The following MGAT4C variants were observed in gnomAD, a reference collection of about 807,000 sequenced individuals.
MGAT4C encodes the protein MGAT4 family member C.
MGAT4C carries 19 observed loss-of-function variants against 40.1 expected under a neutral mutation model. That is an observed-to-expected ratio of 0.47 (90% CI 0.33 to 0.70). MGAT4C has a LOEUF of 0.70. Ranked by LOEUF, MGAT4C falls within the 30% of genes least tolerant of loss-of-function variation. The probability of loss-of-function intolerance (pLI) is 0.02; values close to 1 mark genes in which losing one functional copy is unlikely to be tolerated. For synonymous variants in MGAT4C, 181 were observed against 187.1 expected, an observed-to-expected ratio of 0.97 and a Z score of 0.27; for missense variants, 491 against 563.2, an observed-to-expected ratio of 0.87 and a Z score of 1.30.
At chr12:86,302,648 C>T (rs1368428455) in intron 4 of MGAT4C, among the ~76,000 whole-genome samples, 1 of 150,458 alleles carries the variant, frequency 6.6e-6, no homozygotes, top group African/African-American at 2.5e-5. Flanking sequence ...AGGCTGGTCT[C>T]GAATTCCTGA....
intron 2 of MGAT4C, among the ~76,000 whole-genome samples, chr12:86,468,284 C>CT (rs1957709947): frequency 6.6e-6 from 1 of 151,702 alleles, no homozygotes. Context: ...CTTTTCAAAT[C>CT]ATTTTTTTTT....
rs566197972 is a variant in MGAT4C, at chr12:86,412,387, T to C, written c.-120+22770A>G. On this transcript the variant is annotated intron_variant, in intron 3 of 7. Coordinates refer to the MGAT4C transcript ENST00000548651. ...ACCAAAGAGACAGAGATGCCCAAAG[T>C]TTTGGGAGCCCAACTCTTGGTTCAG... Among the ~76,000 whole-genome samples the C allele has an allele frequency of 9.9e-5, 15 of 152,180 alleles. No homozygotes were observed. In the South Asian group the frequency reaches 2.7e-3, roughly 27 times the overall value.
intron 1 of MGAT4C, among the ~76,000 whole-genome samples, chr12:86,832,131 A>G (rs927265842): frequency 1.6e-4 from 25 of 151,780 alleles, no homozygotes; most frequent in Non-Finnish European, 3.1e-4. Flanking sequence ...TAAAAAGGAA[A>G]ACCCAGGAAT....
At chr12:86,081,351 G>C (rs916868097) in intron 1 of MGAT4C, among the ~76,000 whole-genome samples, 27 of 152,090 alleles carry the variant, frequency 1.8e-4, no homozygotes, top group Non-Finnish European at 1.0e-4. Flanking sequence ...ACTCTAATTC[G>C]GGAGTCTGTG....
rs772676463 is a variant in MGAT4C, at chr12:86,771,720, GTGTA to G, written c.-261-44483_-261-44480del. ...TGTGTGTGTGTGTGTGTGTGTGTGT[GTGTA>G]TGTGTGTGTGTATGAATATTGGTAG... On this transcript the variant is annotated intron_variant, in intron 1 of 7. Coordinates refer to the MGAT4C transcript ENST00000548651. 1.9e-3 allele frequency among the ~76,000 whole-genome samples: 244 copies of G among 131,802 alleles called. 2 individuals carry two copies. Among genetic ancestry groups the G allele is most frequent in the African/African-American group, 7.0e-3 (220 of 31,324 alleles). 86.5% of individuals were successfully genotyped at this position (131,802 alleles called of 152,430 possible). A position where few individuals can be genotyped will look rare whatever the true frequency, so the allele number is the denominator to read the frequency against.
At chr12:86,058,866 T>A (rs1893659463) in intron 1 of MGAT4C, among the ~76,000 whole-genome samples, 1 of 152,132 alleles carries the variant, frequency 6.6e-6, no homozygotes, top group Non-Finnish European at 1.5e-5. Context: ...TTCTCCCCAA[T>A]TCCAATCTTA....
At chr12:86,750,385 T>C (rs1006294302) in intron 1 of MGAT4C, among the ~76,000 whole-genome samples, 1 of 151,894 alleles carries the variant, frequency 6.6e-6, no homozygotes, top group Non-Finnish European at 1.5e-5. Context: ...TCACGGGCTA[T>C]ACTTTCTACC....
chr12:86,351,696 T>C (rs1955164896), intron 3 of MGAT4C, among the ~76,000 whole-genome samples: 1 of 152,036 alleles, frequency 6.6e-6, no homozygotes, highest in Non-Finnish European at 1.5e-5. Flanking sequence ...TTAATTTTAA[T>C]GGCAAATTGT....
chr12:86,829,523 A>T (rs1286351036), intron 1 of MGAT4C, among the ~76,000 whole-genome samples: 1 of 151,610 alleles, frequency 6.6e-6, no homozygotes, highest in African/African-American at 2.4e-5. Flanking sequence ...TCAAGCTTTA[A>T]AATTTCATAC....
At chr12:86,801,269 C>A (rs1267848198) in intron 1 of MGAT4C, among the ~76,000 whole-genome samples, 1 of 151,782 alleles carries the variant, frequency 6.6e-6, no homozygotes, top group Non-Finnish European at 1.5e-5. Flanking sequence ...CTTGAGAGAG[C>A]TTCAAGAAAA....
Position 86,756,641 on chromosome 12 carries a change from T to C in MGAT4C, c.-261-29400A>G, listed in dbSNP as rs534693832. 3.9e-4 allele frequency among the ~76,000 whole-genome samples: 60 copies of C among 152,290 alleles called. No homozygotes were observed. The South Asian group carries it at 0.01, about 26-fold the overall frequency. Reference sequence around the variant, plus strand: ...ACTAAAACTAAAAAAGTTAAATGACTTCCCCAGCACAACTGTAATAACAGA... The same window carrying C: ...ACTAAAACTAAAAAAGTTAAATGACCTCCCCAGCACAACTGTAATAACAGA... On this transcript the variant is annotated intron_variant, in intron 1 of 7. Coordinates refer to the MGAT4C transcript ENST00000548651.
At chr12:86,565,088 G>A (rs539656892) in intron 2 of MGAT4C, among the ~76,000 whole-genome samples, 23 of 152,152 alleles carry the variant, frequency 1.5e-4, no homozygotes, top group Non-Finnish European at 3.1e-4. Flanking sequence ...GGTAGAAACT[G>A]AACATATGAA....
At chr12:86,510,085 C>T (rs901605564) in intron 2 of MGAT4C, among the ~76,000 whole-genome samples, 13 of 152,148 alleles carry the variant, frequency 8.5e-5, no homozygotes, top group Admixed American at 5.2e-4. Context: ...CTGGCCAGAA[C>T]TTCCAACACT....
At chr12:86,645,007 C>A (rs1963498399) in intron 2 of MGAT4C, among the ~76,000 whole-genome samples, 1 of 151,506 alleles carries the variant, frequency 6.6e-6, no homozygotes, top group South Asian at 2.1e-4. Context: ...TGCTTCCATG[C>A]AAATGTTATT....
chr12:86,337,332 C>T (rs928318992), intron 3 of MGAT4C, among the ~76,000 whole-genome samples: 2 of 152,030 alleles, frequency 1.3e-5, no homozygotes, highest in Non-Finnish European at 1.5e-5. Flanking sequence ...CATGGTGGCT[C>T]ATGTCTGTAA....
intron 2 of MGAT4C, among the ~76,000 whole-genome samples, chr12:86,534,058 A>G (rs1959030509): frequency 6.6e-6 from 1 of 152,198 alleles, no homozygotes; most frequent in East Asian, 1.9e-4. Flanking sequence ...ATGGCCTCAC[A>G]AAGCTGTCAC....
At chr12:86,539,554 G>C (rs1299087773) in intron 2 of MGAT4C, among the ~76,000 whole-genome samples, 1 of 152,178 alleles carries the variant, frequency 6.6e-6, no homozygotes, top group African/African-American at 2.4e-5. Context: ...TGGGATGGCT[G>C]GGTCAAATGG....
At chr12:86,448,777 TTA>T (rs1280350747) in intron 2 of MGAT4C, among the ~76,000 whole-genome samples, 3 of 146,452 alleles carry the variant, frequency 2.0e-5, no homozygotes, top group African/African-American at 8.3e-5. Context: ...TAACTCAACT[TTA>T]TGTTTCTTCC....
intron 2 of MGAT4C, among the ~76,000 whole-genome samples, chr12:86,513,929 C>T (rs1443019470): frequency 2.0e-5 from 3 of 151,856 alleles, no homozygotes; most frequent in Non-Finnish European, 4.4e-5. Context: ...CTAGCAGTTA[C>T]GAAAGGGGGC....
Sources: allele counts gnomAD v4.1 joint callset (sites outside exome capture counted in the v4.1 genomes callset), GRCh38; gene constraint gnomAD v4.1.1; transcripts MANE v1.5; gene names NCBI Gene and HGNC (gene_info 2026-07-23, HGNC 2026-07-21).